CYP39A1: variants seen among roughly 807,000 people sequenced by gnomAD.
The protein encoded by CYP39A1 is cytochrome P450 family 39 subfamily A member 1.
In CYP39A1, 49 loss-of-function variants were observed where a neutral mutation model predicts 58.1. That is an observed-to-expected ratio of 0.84 (90% CI 0.67 to 1.07). The LOEUF is 1.07. Ranked by LOEUF, CYP39A1 falls within the 50% of genes least tolerant of loss-of-function variation. CYP39A1 has a pLI of 0.00. For missense variants in CYP39A1, 531 were observed against 539.4 expected, an observed-to-expected ratio of 0.98 and a Z score of 0.16; for synonymous variants, 209 against 187.6, an observed-to-expected ratio of 1.11 and a Z score of -0.93.
At position 46,650,111 on chromosome 6, in the gene CYP39A1, TACAC is replaced by T. The variant is rs3085603; in HGVS notation, c.177+2291_177+2294del. On this transcript the variant is annotated intron_variant, in intron 1 of 11. Transcript: ENST00000275016. ...TGGATGTTAAGACAATTACTACATT[TACAC>T]ACACACACACACACACACACACACA... is the stretch of plus-strand genomic sequence containing the variant. Among the ~76,000 whole-genome samples the T allele has an allele frequency of 4.1e-3, 596 of 147,032 alleles. 3 individuals carry two copies. The highest frequency in any genetic ancestry group is 6.9e-3 in the Middle Eastern group (2 of 288).
chr6:46,587,442 T>A (rs1266897247), intron 9 of CYP39A1, among the ~76,000 whole-genome samples: 1 of 152,112 alleles, frequency 6.6e-6, no homozygotes, highest in Non-Finnish European at 1.5e-5. Context: ...AGGAAGAATA[T>A]TTATAATAAG....
At chr6:46,618,737 AT>A (rs1421185726) in intron 7 of CYP39A1, among the ~76,000 whole-genome samples, 1 of 151,716 alleles carries the variant, frequency 6.6e-6, no homozygotes. Context: ...GGGTGTGTAA[AT>A]TTTTTTAAAA....
intron 1 of CYP39A1, among the ~76,000 whole-genome samples, chr6:46,650,392 T>TG (rs1762606649): frequency 6.6e-6 from 1 of 150,470 alleles, no homozygotes; most frequent in Admixed American, 6.6e-5. Flanking sequence ...GCTTTTTTTT[T>TG]TATCATACTG....
intron 6 of CYP39A1, among the ~76,000 whole-genome samples, chr6:46,629,073 G>C (rs1775493828): frequency 1.3e-5 from 2 of 152,128 alleles, no homozygotes; most frequent in African/African-American, 4.8e-5. Context: ...GCTGGCAATT[G>C]GCTTTGGATC....
intron 1 of CYP39A1, among the ~76,000 whole-genome samples, chr6:46,645,423 G>C (rs9717895): frequency 6.6e-6 from 1 of 152,002 alleles, no homozygotes; most frequent in Non-Finnish European, 1.5e-5. Context: ...ATCACCATTT[G>C]TTTAAAAAGG....
intron 10 of CYP39A1, among the ~76,000 whole-genome samples, chr6:46,556,788 A>G (rs1007830652): frequency 2.0e-5 from 3 of 152,190 alleles, no homozygotes; most frequent in African/African-American, 7.2e-5. Context: ...AAAGAATACA[A>G]CACAACCCAG....
chr6:46,599,024 G>C (rs1479946027), intron 7 of CYP39A1, among the ~76,000 whole-genome samples: 1 of 152,052 alleles, frequency 6.6e-6, no homozygotes, highest in Admixed American at 6.6e-5. Context: ...TCTTTTTCCT[G>C]AAACCTTTAT....
chr6:46,555,260 A>G lies in CYP39A1; in HGVS notation c.1251-1406T>C, dbSNP rs73461274. ...CAAGCCTTTCCCTTTCTGAGGCTCA[A>G]TCTCCTCTGGAAGCATTTCCTGATA... On this transcript the variant is annotated intron_variant, in intron 10 of 11. Coordinates refer to ENST00000275016, the MANE Select transcript of CYP39A1 (RefSeq NM_016593.5). 8.0e-3 allele frequency among the ~76,000 whole-genome samples: 1,219 copies of G among 152,226 alleles called. 21 individuals carry two copies. The highest frequency in any genetic ancestry group is 0.028 in the African/African-American group (1,152 of 41,536).
chr6:46,614,967 A>C (rs1032635321), intron 7 of CYP39A1, among the ~76,000 whole-genome samples: 2 of 152,296 alleles, frequency 1.3e-5, no homozygotes, highest in Middle Eastern at 6.8e-3. Context: ...CAATACCTGC[A>C]GTTGCTTCCA....
At chr6:46,606,999 T>A (rs1367645320) in intron 7 of CYP39A1, among the ~76,000 whole-genome samples, 1 of 152,176 alleles carries the variant, frequency 6.6e-6, no homozygotes, top group East Asian at 1.9e-4. Context: ...CTCATAGATA[T>A]CTGCCAGCTA....
At chr6:46,553,461 C>A (rs553272039) in intron 11 of CYP39A1, among the ~76,000 whole-genome samples, 1 of 152,072 alleles carries the variant, frequency 6.6e-6, no homozygotes, top group Non-Finnish European at 1.5e-5. Context: ...GCAAAGTGGG[C>A]GCCATGTTTA....
intron 7 of CYP39A1, among the ~76,000 whole-genome samples, chr6:46,611,818 G>A (rs758479227): frequency 6.6e-5 from 10 of 152,114 alleles, no homozygotes; most frequent in Non-Finnish European, 1.2e-4. Context: ...TAAAGCCAGT[G>A]TACTGAGTCT....
intron 1 of CYP39A1, among the ~76,000 whole-genome samples, chr6:46,644,339 T>C (rs1321499920): frequency 6.6e-6 from 1 of 152,180 alleles, no homozygotes; most frequent in East Asian, 1.9e-4. Context: ...AGTATTCCAC[T>C]GTATGAATGT....
chr6:46,596,364 A>G (rs951684591), intron 7 of CYP39A1, among the ~76,000 whole-genome samples: 1 of 152,096 alleles, frequency 6.6e-6, no homozygotes, highest in Non-Finnish European at 1.5e-5. Context: ...ATGGATTGGT[A>G]TCCAACTTAG....
chr6:46,614,998 A>G (rs1436034042), intron 7 of CYP39A1, among the ~76,000 whole-genome samples: 1 of 152,024 alleles, frequency 6.6e-6, no homozygotes, highest in East Asian at 1.9e-4. Context: ...TTTAGTCTCC[A>G]TTTCTTTATT....
intron 6 of CYP39A1, 70 bp from the exon 7 acceptor site, chr6:46,625,578 G>T: frequency 9.0e-7 from 1 of 1,112,670 alleles, no homozygotes; most frequent in Non-Finnish European, 1.3e-6. Context: ...TTTAGTATTA[G>T]CCATACATAT....
At chr6:46,642,413 T>G in intron 1 of CYP39A1, 115 bp from the exon 2 acceptor site, 2 of 995,458 alleles carry the variant, frequency 2.0e-6, no homozygotes, top group African/African-American at 1.7e-5. Context: ...TTATTATGAT[T>G]ATATTTGGCA....
rs183731880 is a variant in CYP39A1 at position 46,590,538 on chromosome 6, G to A, written c.1066-2409C>T. On this transcript the variant is annotated intron_variant, in intron 8 of 11. Transcript: ENST00000275016. ...AACCAGAGGCTTGGTTGGTGTTTGT[G>A]CCGAAAAAAAATAAAAACAAAATAA... 1.8e-3 allele frequency among the ~76,000 whole-genome samples: 266 copies of A among 151,814 alleles called. 3 individuals are homozygous for A. In the Middle Eastern group the frequency reaches 0.041, roughly 23 times the overall value.
intron 8 of CYP39A1, 26 bp downstream of exon 8, chr6:46,595,961 T>C (rs1489268985): frequency 6.9e-6 from 11 of 1,597,328 alleles, no homozygotes; most frequent in Non-Finnish European, 8.5e-6. Context: ...GAAGGTTGAT[T>C]CATTTAAAAC....
Sources: gnomAD v4.1 joint callset for allele counts (sites outside exome capture counted in the v4.1 genomes callset) on GRCh38, gnomAD v4.1.1 for gene constraint, MANE v1.5 for transcripts, NCBI Gene and HGNC (gene_info 2026-07-23, HGNC 2026-07-21) for gene names.